MTUS2: variants seen among roughly 807,000 people sequenced by gnomAD.
The protein encoded by MTUS2 is microtubule associated scaffold protein 2, also known as microtubule-associated tumor suppressor candidate 2.
A neutral mutation model predicts 114.1 loss-of-function variants in MTUS2; 40 were observed. The ratio of observed to expected loss-of-function variants is 0.35; its 90% CI spans 0.27 to 0.46. The LOEUF is 0.46. Ranked by LOEUF, MTUS2 falls within the 20% of genes least tolerant of loss-of-function variation. The pLI, the probability that MTUS2 is intolerant of heterozygous loss-of-function variation, is 1.00. For missense variants in MTUS2, 1,679 were observed against 1,705.4 expected, an observed-to-expected ratio of 0.98 and a Z score of 0.27; for synonymous variants, 688 against 672.0, an observed-to-expected ratio of 1.02 and a Z score of -0.37.
At chr13:29,099,614 T>C (rs1350711396) in intron 4 of MTUS2, among the ~76,000 whole-genome samples, 1 of 152,208 alleles carries the variant, frequency 6.6e-6, no homozygotes, top group Non-Finnish European at 1.5e-5. Context: ...CCTCGTTTAC[T>C]CTGAAACCTG....
intron 8 of MTUS2, among the ~76,000 whole-genome samples, chr13:29,361,519 G>A (rs544553751): frequency 5.9e-5 from 9 of 152,126 alleles, no homozygotes; most frequent in Middle Eastern, 3.4e-3. Context: ...TATGCAGGCC[G>A]TCATGCATGC....
chr13:29,136,578 T>C (rs1891986649), intron 5 of MTUS2, among the ~76,000 whole-genome samples: 1 of 152,186 alleles, frequency 6.6e-6, no homozygotes, highest in Non-Finnish European at 1.5e-5. Context: ...GTTTGTATAA[T>C]GAAATCTCCA....
intron 5 of MTUS2, among the ~76,000 whole-genome samples, chr13:29,251,872 T>C (rs1897135178): frequency 6.6e-6 from 1 of 152,232 alleles, no homozygotes; most frequent in Admixed American, 6.5e-5. Context: ...CTTTTGGCTA[T>C]TGTAAATAAA....
intron 2 of MTUS2, among the ~76,000 whole-genome samples, chr13:28,931,477 C>A (rs538246674): frequency 6.6e-6 from 1 of 152,048 alleles, no homozygotes; most frequent in East Asian, 1.9e-4. Flanking sequence ...CCTTTGCTTG[C>A]TCTCTCTCTC....
intron 8 of MTUS2, among the ~76,000 whole-genome samples, chr13:29,384,914 C>T (rs939551260): frequency 2.6e-5 from 4 of 152,234 alleles, no homozygotes; most frequent in Admixed American, 1.3e-4. Context: ...AAACACCTAG[C>T]TATGCTTTGA....
chr13:28,827,740 G>A (rs189150822), intron 1 of MTUS2, among the ~76,000 whole-genome samples: 7 of 152,268 alleles, frequency 4.6e-5, no homozygotes, highest in Admixed American at 2.0e-4. Flanking sequence ...GGCAGGTTCC[G>A]TGATGCCCCT....
intron 8 of MTUS2, among the ~76,000 whole-genome samples, chr13:29,371,182 A>G (rs1871157512): frequency 6.6e-6 from 1 of 151,548 alleles, no homozygotes. Flanking sequence ...TTATTTTTTA[A>G]TGCATATTAT....
At chr13:28,896,183 C>A (rs931503020) in intron 2 of MTUS2, among the ~76,000 whole-genome samples, 2 of 152,054 alleles carry the variant, frequency 1.3e-5, no homozygotes, top group South Asian at 4.2e-4. Context: ...CAGTGGGATT[C>A]CAACAGCAGT....
intron 2 of MTUS2, among the ~76,000 whole-genome samples, chr13:28,858,174 T>C (rs768317156): frequency 1.5e-5 from 2 of 130,530 alleles, no homozygotes; most frequent in African/African-American, 5.7e-5. Context: ...TTCCCTTAAG[T>C]TGAAATTATC....
chr13:29,340,586 G>A (rs774107948), intron 7 of MTUS2, among the ~76,000 whole-genome samples: 32 of 152,072 alleles, frequency 2.1e-4, no homozygotes, highest in Non-Finnish European at 4.3e-4. Context: ...TCCAGCCTTC[G>A]TACATTCATG....
At chr13:28,908,047 G>C (rs1429086372) in intron 2 of MTUS2, among the ~76,000 whole-genome samples, 2 of 151,242 alleles carry the variant, frequency 1.3e-5, no homozygotes, top group African/African-American at 2.4e-5. Context: ...TGTGAATTTT[G>C]GGGGGTTTAT....
chr13:29,432,010 ATTTTTTTTTTTTT>A (rs57182093), intron 8 of MTUS2, among the ~76,000 whole-genome samples: 1 of 81,038 alleles, frequency 1.2e-5, no homozygotes, highest in African/African-American at 4.2e-5. Flanking sequence ...ACGCTCAGCT[ATTTTTTTTTTTTT>A]TTTTTTTTTG....
At chr13:28,984,289 T>C (rs1884481757) in intron 2 of MTUS2, among the ~76,000 whole-genome samples, 1 of 152,210 alleles carries the variant, frequency 6.6e-6, no homozygotes, top group Non-Finnish European at 1.5e-5. Context: ...GAGAATCTCT[T>C]GGGAAAAATG....
intron 5 of MTUS2, among the ~76,000 whole-genome samples, chr13:29,276,671 G>A (rs1436532549): frequency 6.6e-6 from 1 of 152,180 alleles, no homozygotes; most frequent in Non-Finnish European, 1.5e-5. Flanking sequence ...GCCGAGGTGG[G>A]TGGATCACCT....
At chr13:29,309,059 G>C (rs937602415) in intron 6 of MTUS2, among the ~76,000 whole-genome samples, 2 of 152,028 alleles carry the variant, frequency 1.3e-5, no homozygotes. Context: ...CATTTGACCC[G>C]GCAATCCCAT....
intron 5 of MTUS2, among the ~76,000 whole-genome samples, chr13:29,190,850 G>A (rs528359047): frequency 6.6e-5 from 10 of 152,250 alleles, no homozygotes; most frequent in African/African-American, 9.6e-5. Context: ...TTGACCTGAC[G>A]TTCACTGTGA....
At chr13:29,500,981 C>A in intron 14 of MTUS2, 116 bp from the exon 15 acceptor site, 1 of 736,336 alleles carries the variant, frequency 1.4e-6, no homozygotes, top group Non-Finnish European at 2.3e-6. Context: ...GCATTGCGAA[C>A]TGATGTTTGC....
At chr13:29,272,081 G>A (rs753820763) in intron 5 of MTUS2, among the ~76,000 whole-genome samples, 19 of 152,054 alleles carry the variant, frequency 1.2e-4, no homozygotes, top group Non-Finnish European at 1.5e-5. Flanking sequence ...ATAGCTTTGT[G>A]GCAATGGCAA....
At chr13:29,349,755 T>C (rs1204279032) in intron 7 of MTUS2, among the ~76,000 whole-genome samples, 3 of 152,208 alleles carry the variant, frequency 2.0e-5, no homozygotes, top group African/African-American at 7.2e-5. Context: ...TGGGTCTTTG[T>C]ACATAATGTG....
Sources: gnomAD v4.1 joint callset for allele counts (sites outside exome capture counted in the v4.1 genomes callset) on GRCh38, gnomAD v4.1.1 for gene constraint, MANE v1.5 for transcripts, NCBI Gene and HGNC (gene_info 2026-07-23, HGNC 2026-07-21) for gene names.